Variants in SEZ6L observed in about 807,000 individuals in gnomAD.
SEZ6L encodes seizure related 6 homolog like, also known as seizure 6-like protein.
In SEZ6L, 37 loss-of-function variants were observed where a neutral mutation model predicts 106.2. The ratio of observed to expected loss-of-function variants is 0.35; its 90% CI spans 0.27 to 0.46. The LOEUF (loss-of-function observed/expected upper bound fraction) is 0.46. Ranked by LOEUF, SEZ6L falls within the 20% of genes least tolerant of loss-of-function variation. The pLI, the probability that SEZ6L is intolerant of heterozygous loss-of-function variation, is 1.00. For synonymous variants in SEZ6L, 541 were observed against 570.4 expected (o/e 0.95, Z 0.73); for missense variants, 1,172 against 1,332.8 (o/e 0.88, Z 1.88).
intron 5 of SEZ6L, among the ~76,000 whole-genome samples, chr22:26,304,450 C>G (rs755601751): frequency 6.7e-5 from 10 of 149,428 alleles, no homozygotes; most frequent in Non-Finnish European, 1.2e-4. Context: ...AAAGAAAATT[C>G]AAAACTGTTC....
In SEZ6L at chr22:26,310,842, G is replaced by A. The variant is rs750119302; in HGVS notation, c.1681+6G>A. 2.5e-6 allele frequency: 4 copies of A among 1,613,100 alleles called. No homozygotes were observed. Among genetic ancestry groups the A allele is most frequent in the African/African-American group, 1.3e-5 (1 of 74,894 alleles). ...CTTCAACATCCGATTTGAAGGTGAGGGTCCCTGGGAGCTTCCCTTTCTCTT... is the reference window on the plus strand; with the variant it reads ...CTTCAACATCCGATTTGAAGGTGAGAGTCCCTGGGAGCTTCCCTTTCTCTT... On this transcript the variant is annotated splice_donor_region_variant and intron_variant, in intron 7 of 16. Coordinates refer to ENST00000248933, the MANE Select transcript of SEZ6L (RefSeq NM_021115.5).
chr22:26,258,151 G>GA, intron 1 of SEZ6L, among the ~76,000 whole-genome samples: 1 of 152,252 alleles, frequency 6.6e-6, no homozygotes, highest in East Asian at 1.9e-4. Flanking sequence ...GAGACCAGAG[G>GA]AGAAGGTACA....
At chr22:26,309,836 C>T (rs1206807787) in intron 6 of SEZ6L, among the ~76,000 whole-genome samples, 3 of 152,168 alleles carry the variant, frequency 2.0e-5, no homozygotes, top group Non-Finnish European at 4.4e-5. Flanking sequence ...ACCTTGGCCT[C>T]CCAAACTGCT....
At chr22:26,327,564 CCA>C (rs143127812) in intron 9 of SEZ6L, among the ~76,000 whole-genome samples, 56 of 148,224 alleles carry the variant, frequency 3.8e-4, no homozygotes, top group Middle Eastern at 3.6e-3. Flanking sequence ...TACACACACC[CCA>C]CACACACACC....
intron 1 of SEZ6L, among the ~76,000 whole-genome samples, chr22:26,223,214 G>A: frequency 6.6e-6 from 1 of 152,028 alleles, no homozygotes; most frequent in Non-Finnish European, 1.5e-5. Context: ...GATGTTGTGA[G>A]TAGAAGACAG....
intron 1 of SEZ6L, among the ~76,000 whole-genome samples, chr22:26,289,917 G>A (rs1018152917): frequency 6.6e-6 from 1 of 152,132 alleles, no homozygotes; most frequent in South Asian, 2.1e-4. Context: ...ACATCTTCAC[G>A]GGGATGTTCT....
intron 1 of SEZ6L, among the ~76,000 whole-genome samples, chr22:26,234,053 G>A (rs12485236): frequency 0.21 from 31,328 of 152,150 alleles, 3,566 homozygotes; most frequent in East Asian, 0.42. Context: ...GCCAATGTAG[G>A]AGTTTGATTG....
At chr22:26,239,399 C>G (rs116129914) in intron 1 of SEZ6L, among the ~76,000 whole-genome samples, 76 of 152,332 alleles carry the variant, frequency 5.0e-4, no homozygotes, top group African/African-American at 1.7e-3. Context: ...CATCATCAGA[C>G]AGGTTCTGCA....
intron 14 of SEZ6L, among the ~76,000 whole-genome samples, chr22:26,374,304 A>G (rs2084144091): frequency 6.9e-6 from 1 of 145,680 alleles, no homozygotes; most frequent in African/African-American, 2.6e-5. Flanking sequence ...AGCAGTTTTT[A>G]TTATTCCTGG....
intron 11 of SEZ6L, among the ~76,000 whole-genome samples, chr22:26,350,211 C>T (rs1025960596): frequency 2.7e-5 from 4 of 145,652 alleles, no homozygotes; most frequent in Non-Finnish European, 6.0e-5. Flanking sequence ...TATATATACA[C>T]ATATATATAT....
intron 1 of SEZ6L, among the ~76,000 whole-genome samples, chr22:26,222,010 C>T (rs1223245298): frequency 2.6e-5 from 4 of 152,160 alleles, no homozygotes; most frequent in Admixed American, 2.6e-4. Flanking sequence ...ATTTCCCTGT[C>T]AAGGTATCAA....
At chr22:26,319,394 T>C (rs904831414) in intron 9 of SEZ6L, among the ~76,000 whole-genome samples, 4 of 152,234 alleles carry the variant, frequency 2.6e-5, no homozygotes, top group African/African-American at 9.6e-5. Context: ...AGTTCTGCAA[T>C]AGCTCCCTGT....
At chr22:26,335,476 A>T (rs1318254131) in intron 9 of SEZ6L, among the ~76,000 whole-genome samples, 1 of 152,156 alleles carries the variant, frequency 6.6e-6, no homozygotes, top group Non-Finnish European at 1.5e-5. Flanking sequence ...GGAGACTCTA[A>T]CTTGGCTACA....
intron 12 of SEZ6L, among the ~76,000 whole-genome samples, chr22:26,352,128 C>A (rs1172379683): frequency 6.8e-6 from 1 of 147,786 alleles, no homozygotes; most frequent in Non-Finnish European, 1.5e-5. Flanking sequence ...GTCACTGTAC[C>A]CTAGCTTGGG....
intron 1 of SEZ6L, among the ~76,000 whole-genome samples, chr22:26,218,585 T>G (rs2078364413): frequency 6.6e-6 from 1 of 152,244 alleles, no homozygotes; most frequent in South Asian, 2.1e-4. Flanking sequence ...GTGGATCACT[T>G]GAGGTCAGGA....
At chr22:26,334,908 A>G (rs1480587320) in intron 9 of SEZ6L, among the ~76,000 whole-genome samples, 1 of 152,164 alleles carries the variant, frequency 6.6e-6, no homozygotes, top group African/African-American at 2.4e-5. Context: ...CCTGCCTGCC[A>G]GCATCTCTCC....
intron 9 of SEZ6L, among the ~76,000 whole-genome samples, chr22:26,314,111 G>A (rs1265133298): frequency 7.0e-6 from 1 of 143,474 alleles, no homozygotes; most frequent in Non-Finnish European, 1.5e-5. Flanking sequence ...GAGAGAGAGA[G>A]GAGAGAGAGA....
intron 13 of SEZ6L, among the ~76,000 whole-genome samples, chr22:26,370,190 G>A (rs1420841145): frequency 6.6e-6 from 1 of 152,036 alleles, no homozygotes; most frequent in Admixed American, 6.5e-5. Context: ...AGACCATCCT[G>A]GCTAACACGG....
rs564845096 is a variant in SEZ6L at position 26,199,642 on chromosome 22, G to T, written c.94+29879G>T. ...TTATGCAGCAAAACTTAAGCAAAGA[G>T]AAGTACATCCAGGACTAGAGGCAAG... On this transcript the variant is annotated intron_variant, in intron 1 of 16. Coordinates refer to ENST00000248933, the MANE Select transcript of SEZ6L (RefSeq NM_021115.5). 4.6e-5 allele frequency among the ~76,000 whole-genome samples: 7 copies of T among 152,314 alleles called. No individual in the cohort carries two copies. The South Asian group carries it at 6.2e-4, about 14-fold the overall frequency.
Sources: allele counts gnomAD v4.1 joint callset (sites outside exome capture counted in the v4.1 genomes callset), GRCh38; gene constraint gnomAD v4.1.1; transcripts MANE v1.5; gene names NCBI Gene and HGNC (gene_info 2026-07-23, HGNC 2026-07-21).